Variants in KIAA1328 observed in about 807,000 individuals in gnomAD.
KIAA1328 encodes the protein protein hinderin.
KIAA1328 carries 52 observed loss-of-function variants against 68.1 expected under a neutral mutation model. That is an observed-to-expected ratio of 0.76 (90% CI 0.61 to 0.96). KIAA1328 has a LOEUF of 0.96. KIAA1328 is among the 40% of genes least tolerant of loss of function. The pLI is 0.00. For synonymous variants in KIAA1328, 232 were observed against 239.4 expected (o/e 0.97, Z 0.28); for missense variants, 641 against 677.6 (o/e 0.95, Z 0.60).
intron 7 of KIAA1328, among the ~76,000 whole-genome samples, chr18:37,141,992 T>C (rs1289201993): frequency 6.6e-6 from 1 of 152,254 alleles, no homozygotes; most frequent in East Asian, 1.9e-4. Context: ...TCTCCCAGTA[T>C]GTGACTTAAC....
At chr18:36,900,773 C>T (rs376760841) in intron 5 of KIAA1328, among the ~76,000 whole-genome samples, 12 of 152,012 alleles carry the variant, frequency 7.9e-5, no homozygotes, top group African/African-American at 2.9e-4. Flanking sequence ...TATTTGACAT[C>T]GTTAAATTTT....
intron 6 of KIAA1328, among the ~76,000 whole-genome samples, chr18:36,966,318 A>G (rs1366450013): frequency 7.2e-5 from 11 of 152,184 alleles, no homozygotes; most frequent in Admixed American, 6.5e-4. Flanking sequence ...AATCCACACA[A>G]AGAAATAAAA....
chr18:37,075,799 T>C (rs2056708732), intron 7 of KIAA1328, among the ~76,000 whole-genome samples: 1 of 152,200 alleles, frequency 6.6e-6, no homozygotes, highest in Admixed American at 6.5e-5. Flanking sequence ...TAAATATATA[T>C]GCACCCAATA....
intron 5 of KIAA1328, among the ~76,000 whole-genome samples, chr18:36,895,586 G>A (rs967228174): frequency 6.6e-6 from 1 of 152,138 alleles, no homozygotes; most frequent in African/African-American, 2.4e-5. Flanking sequence ...TTTTGGAGTA[G>A]TGTGAGAAGA....
Position 37,223,859 on chromosome 18 carries a change from G to A in KIAA1328, c.*1632G>A, listed in dbSNP as rs1432466813. ...ATTCTTTGGAGTAGAAAAGAATGGA[G>A]CCCACTAATATTATATTTTTCTTCT... On this transcript the variant is annotated 3_prime_UTR_variant, in exon 10 of 10. Coordinates refer to ENST00000280020, the MANE Select transcript of KIAA1328 (RefSeq NM_020776.3). 3 of 983,836 alleles carry A rather than the reference G, an allele frequency of 3.0e-6. No homozygotes were observed. Among genetic ancestry groups the A allele is most frequent in the African/African-American group, 3.5e-5 (2 of 57,160 alleles). The allele number at this position is 983,836 out of a possible 1,614,324, so 60.9% of individuals were successfully genotyped here. A position where few individuals can be genotyped will look rare whatever the true frequency, so the allele number is the denominator to read the frequency against.
intron 5 of KIAA1328, among the ~76,000 whole-genome samples, chr18:36,918,981 A>G (rs955735923): frequency 3.3e-5 from 5 of 152,122 alleles, no homozygotes. Flanking sequence ...CCCAGTATGT[A>G]GTGTATCTTG....
chr18:37,005,432 TAA>T (rs58940026), intron 6 of KIAA1328, among the ~76,000 whole-genome samples: 21 of 148,390 alleles, frequency 1.4e-4, no homozygotes, highest in East Asian at 3.9e-4. Flanking sequence ...AGCTATTATT[TAA>T]AAAAAAAAAA....
chr18:37,082,298 A>C (rs1278777038), intron 7 of KIAA1328, among the ~76,000 whole-genome samples: 1 of 150,888 alleles, frequency 6.6e-6, no homozygotes, highest in Non-Finnish European at 1.5e-5. Context: ...CAGCCTCCCA[A>C]GTAGCTGGGA....
intron 9 of KIAA1328, among the ~76,000 whole-genome samples, chr18:37,185,902 C>G (rs1280872537): frequency 6.6e-6 from 1 of 151,426 alleles, no homozygotes; most frequent in East Asian, 1.9e-4. Context: ...TTGTCTGTAA[C>G]CGTTTATGAG....
intron 4 of KIAA1328, among the ~76,000 whole-genome samples, chr18:36,856,997 C>T (rs1166592740): frequency 6.6e-6 from 1 of 152,150 alleles, no homozygotes; most frequent in Non-Finnish European, 1.5e-5. Flanking sequence ...GAAAAACATA[C>T]TCTCTCAGTC....
chr18:36,944,835 A>G (rs1005045117), intron 5 of KIAA1328, among the ~76,000 whole-genome samples: 6 of 152,224 alleles, frequency 3.9e-5, no homozygotes, highest in African/African-American at 1.4e-4. Flanking sequence ...TTAATAGATT[A>G]AAGAATACTT....
intron 6 of KIAA1328, among the ~76,000 whole-genome samples, chr18:36,963,250 T>G (rs1382610527): frequency 6.6e-6 from 1 of 152,204 alleles, no homozygotes; most frequent in Non-Finnish European, 1.5e-5. Flanking sequence ...TGCCTATTGC[T>G]TTTCAGGGGG....
intron 6 of KIAA1328, among the ~76,000 whole-genome samples, chr18:37,034,365 C>T (rs2054948686): frequency 6.6e-6 from 1 of 152,082 alleles, no homozygotes; most frequent in African/African-American, 2.4e-5. Context: ...AGAGCCCAAA[C>T]TGATGTATAA....
intron 5 of KIAA1328, among the ~76,000 whole-genome samples, chr18:36,940,935 A>G (rs1184803817): frequency 6.6e-6 from 1 of 152,054 alleles, no homozygotes; most frequent in Non-Finnish European, 1.5e-5. Flanking sequence ...CGGCCTCCCA[A>G]AGTGCTGGAA....
intron 5 of KIAA1328, among the ~76,000 whole-genome samples, chr18:36,893,779 A>T (rs1030436351): frequency 6.6e-6 from 1 of 152,142 alleles, no homozygotes; most frequent in Non-Finnish European, 1.5e-5. Flanking sequence ...AGAGGAGTTG[A>T]TAGAAAAACT....
intron 6 of KIAA1328, among the ~76,000 whole-genome samples, chr18:37,049,306 A>T (rs2055600338): frequency 6.6e-6 from 1 of 152,210 alleles, no homozygotes; most frequent in African/African-American, 2.4e-5. Flanking sequence ...GGACATAGGA[A>T]AACCACAATG....
chr18:37,138,781 C>A (rs1317686336), intron 7 of KIAA1328, among the ~76,000 whole-genome samples: 1 of 152,006 alleles, frequency 6.6e-6, no homozygotes, highest in Non-Finnish European at 1.5e-5. Flanking sequence ...CAAAGGTAGT[C>A]ATTTACTCCT....
intron 5 of KIAA1328, among the ~76,000 whole-genome samples, chr18:36,927,659 G>C (rs2050167971): frequency 6.6e-6 from 1 of 152,044 alleles, no homozygotes. Context: ...AGGTTGAGGT[G>C]GGAGAATTAC....
intron 5 of KIAA1328, among the ~76,000 whole-genome samples, chr18:36,944,741 C>T (rs976548964): frequency 1.3e-5 from 2 of 152,090 alleles, no homozygotes; most frequent in Admixed American, 1.3e-4. Flanking sequence ...CCAGTAACTG[C>T]GAAACCAGGA....
Sources: gnomAD v4.1 joint callset for allele counts (sites outside exome capture counted in the v4.1 genomes callset) on GRCh38, gnomAD v4.1.1 for gene constraint, MANE v1.5 for transcripts, NCBI Gene and HGNC (gene_info 2026-07-23, HGNC 2026-07-21) for gene names.